The following AGFG2 variants were observed in gnomAD, a reference collection of about 807,000 sequenced individuals.
The protein encoded by AGFG2 is ArfGAP with FG repeats 2.
A neutral mutation model predicts 48.0 loss-of-function variants in AGFG2; 31 were observed. The observed-to-expected ratio is 0.65, with a 90% confidence interval of 0.49 to 0.87. The LOEUF (loss-of-function observed/expected upper bound fraction) is 0.87. AGFG2 is among the 40% of genes least tolerant of loss of function. AGFG2 has a pLI of 0.00. For synonymous variants in AGFG2, 229 were observed against 260.8 expected (o/e 0.88, Z 1.18); for missense variants, 599 against 632.6 (o/e 0.95, Z 0.57).
chr7:100,542,079 G>A (rs961684431), intron 1 of AGFG2, among the ~76,000 whole-genome samples: 8 of 151,946 alleles, frequency 5.3e-5, no homozygotes, highest in African/African-American at 1.2e-4. Flanking sequence ...GCAATGGCGC[G>A]ATCTCGGCTC....
In AGFG2 at chr7:100,562,825, C is replaced by T. The variant is rs1019306102; in HGVS notation, c.1088-38C>T. 2 of 1,608,014 alleles carry T rather than the reference C, an allele frequency of 1.2e-6. No homozygotes were observed. Among genetic ancestry groups the T allele is most frequent in the Non-Finnish European group, 1.7e-6 (2 of 1,174,648 alleles). ...AGCACGTGAGAAAAAAAGTAACCAT[C>T]TCTCTCTTTCCTGCCGCTCCCCATT... On this transcript the variant is annotated intron_variant, in intron 8 of 11. Coordinates refer to ENST00000300176, the MANE Select transcript of AGFG2 (RefSeq NM_006076.5). This position sits in a 1 kb window ranked among gnomAD's most constrained non-coding sequence, Gnocchi z 5.4.
intron 9 of AGFG2, 62 bp downstream of exon 9, chr7:100,563,008 T>C: frequency 6.8e-7 from 1 of 1,461,064 alleles, no homozygotes; most frequent in Non-Finnish European, 9.5e-7. Context: ...CACATTACCC[T>C]GCAGCCTCTC....
At chr7:100,558,139 G>A (rs140544971) in intron 6 of AGFG2, among the ~76,000 whole-genome samples, 24 of 152,262 alleles carry the variant, frequency 1.6e-4, no homozygotes, top group African/African-American at 4.6e-4. Context: ...ACTTGAACCC[G>A]GGAGGCGGAG....
At chr7:100,549,675 G>GTTTATTTATTTA (rs762684092) in intron 2 of AGFG2, among the ~76,000 whole-genome samples, 2 of 151,490 alleles carry the variant, frequency 1.3e-5, no homozygotes, top group African/African-American at 2.4e-5. Context: ...CTCAATATTT[G>GTTTATTTATTTA]TTTATTTATT....
rs367600937 is a variant in AGFG2 at position 100,546,737 on chromosome 7, G to A, written c.222-2085G>A. On this transcript the variant is annotated intron_variant, in intron 1 of 11. Coordinates refer to ENST00000300176, the MANE Select transcript of AGFG2 (RefSeq NM_006076.5). Reference sequence around the variant, plus strand: ...TGACATTCTGAAGGGGAAGGGCCTAGTGGTTAAGGTGAGAAAGTCTAAAAG... The same window carrying A: ...TGACATTCTGAAGGGGAAGGGCCTAATGGTTAAGGTGAGAAAGTCTAAAAG... 2.8e-4 allele frequency among the ~76,000 whole-genome samples: 43 copies of A among 152,300 alleles called. No homozygotes were observed. The South Asian group carries it at 8.9e-3, about 32-fold the overall frequency.
At chr7:100,558,724 G>A (rs935216760) in intron 6 of AGFG2, among the ~76,000 whole-genome samples, 1 of 151,798 alleles carries the variant, frequency 6.6e-6, no homozygotes, top group Non-Finnish European at 1.5e-5. Flanking sequence ...TGTATTTTTA[G>A]TAGAGACAGG....
chr7:100,551,056 A>C lies in AGFG2; in HGVS notation c.431+545A>C. On this transcript the variant is annotated intron_variant, in intron 3 of 11. Transcript: ENST00000300176. ...TATATATATATATATATATATATAT[A>C]TATATATATATTTCTTTTTTTTTTT... Among the ~76,000 whole-genome samples, 2 of 79,774 alleles carry C rather than the reference A, an allele frequency of 2.5e-5. 1 individual carries two copies. Among genetic ancestry groups the C allele is most frequent in the Non-Finnish European group, 5.6e-5 (2 of 35,706 alleles). The allele number at this position is 79,774 out of a possible 152,430, so 52.3% of individuals were successfully genotyped here. A position where few individuals can be genotyped will look rare whatever the true frequency, so the allele number is the denominator to read the frequency against.
chr7:100,554,343 C>G (rs887315348), intron 5 of AGFG2, 85 bp downstream of exon 5: 9 of 1,465,392 alleles, frequency 6.1e-6, no homozygotes, highest in Non-Finnish European at 5.5e-6. Context: ...AACCATGGCT[C>G]TAGATCTTCT....
At chr7:100,558,042 T>C (rs7805124) in intron 6 of AGFG2, among the ~76,000 whole-genome samples, 1 of 151,976 alleles carries the variant, frequency 6.6e-6, no homozygotes, top group Admixed American at 6.6e-5. Flanking sequence ...GGTGAAACCC[T>C]GTCTCTGCTA....
intron 9 of AGFG2, 129 bp from the exon 10 acceptor site, chr7:100,563,705 T>C: frequency 7.3e-7 from 1 of 1,363,594 alleles, no homozygotes; most frequent in Admixed American, 2.1e-5. Context: ...GTTCCATGGC[T>C]GGGTCCCTCG....
chr7:100,562,152 C>T lies in AGFG2; in HGVS notation c.878-107C>T. On this transcript the variant is annotated intron_variant, in intron 6 of 11. Coordinates refer to ENST00000300176, the MANE Select transcript of AGFG2 (RefSeq NM_006076.5). This position sits in a 1 kb window ranked among gnomAD's most constrained non-coding sequence, Gnocchi z 5.4. ...CTCAGAGAACCCAGCAGGCACCTGT[C>T]ATGCCATGACTCCAATCCATCACCA... 1.4e-6 allele frequency: 2 copies of T among 1,460,136 alleles called. No individual in the cohort carries two copies. Among genetic ancestry groups the T allele is most frequent in the South Asian group, 1.3e-5 (1 of 78,390 alleles). 90.4% of individuals were successfully genotyped at this position (1,460,136 alleles called of 1,614,324 possible). A position where few individuals can be genotyped will look rare whatever the true frequency, so the allele number is the denominator to read the frequency against.
rs1800987552 is a variant in AGFG2 at position 100,565,522 on chromosome 7, GC to G, written c.*532del. 1 of 154,216 alleles carries G rather than the reference GC, an allele frequency of 6.5e-6. No individual in the cohort carries two copies. Among genetic ancestry groups the G allele is most frequent in the Admixed American group, 6.5e-5 (1 of 15,388 alleles). 9.6% of individuals were successfully genotyped at this position (154,216 alleles called of 1,614,324 possible). On this transcript the variant is annotated 3_prime_UTR_variant, in exon 12 of 12. Transcript: ENST00000300176. ...GGTCCCCCATTGTTTTGCTTCCCCA[GC>G]GCCCAGGATGAGCGGTTTACCATCG...
chr7:100,555,708 T>G lies in AGFG2; in HGVS notation c.850T>G (p.Ser284Ala). 6.2e-7 allele frequency: 1 copy of G among 1,614,148 alleles called. No individual in the cohort carries two copies. Among genetic ancestry groups the G allele is most frequent in the Non-Finnish European group, 8.5e-7 (1 of 1,179,976 alleles). ...AAGCCTCCCTCCAGCTGGTCAAGCC[T>G]CGTTCCAGGCCCAGCCAACTCCTGC... ...FGSLPPAGQA[S>A]FQAQPTPAGS... The change falls in exon 6 of 12, where the codon TCG becomes GCG. Residue 284 changes from serine (S) to alanine (A), a missense_variant. Transcript: ENST00000300176.
Position 100,539,312 on chromosome 7 carries a change from G to T in AGFG2, c.-35G>T, listed in dbSNP as rs1283305655. On this transcript the variant is annotated 5_prime_UTR_variant, in exon 1 of 12. Transcript: ENST00000300176. ...CGGGAAGGCGGCAGTGGTTGAAGGG[G>T]TGATTGCTGACTAGCGGGGAGGGAG... is the stretch of plus-strand genomic sequence containing the variant. 10 of 1,278,874 alleles carry T rather than the reference G, an allele frequency of 7.8e-6. No homozygotes were observed. The highest frequency in any genetic ancestry group is 4.0e-6 in the Non-Finnish European group (4 of 1,009,680). 79.2% of individuals were successfully genotyped at this position (1,278,874 alleles called of 1,614,324 possible). A position where few individuals can be genotyped will look rare whatever the true frequency, so the allele number is the denominator to read the frequency against.
chr7:100,553,159 CA>C (rs2131112771), intron 3 of AGFG2, among the ~76,000 whole-genome samples, 187 bp from the exon 4 acceptor site: 1 of 152,212 alleles, frequency 6.6e-6, no homozygotes, highest in African/African-American at 2.4e-5. Context: ...TCAAAAAAAC[CA>C]AAAGATGTTC....
In AGFG2 at chr7:100,564,224, C is replaced by T; in HGVS notation, c.1307C>T (p.Ser436Phe). The T allele has an allele frequency of 6.2e-7, 1 of 1,611,858 alleles. No homozygotes were observed. Among genetic ancestry groups the T allele is most frequent in the Non-Finnish European group, 8.5e-7 (1 of 1,179,026 alleles). Reference sequence around the variant, plus strand: ...GACTGCTCTCGCCCCCTAGGCTCTTCCTTCGGGGACTTAGGATCAGCCAAG... The same window carrying T: ...GACTGCTCTCGCCCCCTAGGCTCTTTCTTCGGGGACTTAGGATCAGCCAAG... ...TPLVQQQNGS[S>F]FGDLGSAKLG... Residue 436 changes from serine (S) to phenylalanine (F), a missense_variant, in exon 11 of 12, where the codon TCC (serine) becomes TTC (phenylalanine). Coordinates refer to ENST00000300176, the MANE Select transcript of AGFG2 (RefSeq NM_006076.5).
chr7:100,563,086 C>A, intron 9 of AGFG2, 140 bp downstream of exon 9: 1 of 857,374 alleles, frequency 1.2e-6, no homozygotes, highest in Non-Finnish European at 1.8e-6. Flanking sequence ...CCACACGGTG[C>A]CAGGCCACCT....
At chr7:100,564,145 G>C in intron 10 of AGFG2, 73 bp from the exon 11 acceptor site, 3 of 1,555,726 alleles carry the variant, frequency 1.9e-6, no homozygotes, top group Non-Finnish European at 2.6e-6. Context: ...CCCCAGTTTA[G>C]GAGGGCCCCC....
chr7:100,551,060 ATATATATTTCT>A (rs1562791865), intron 3 of AGFG2, among the ~76,000 whole-genome samples: 1 of 76,874 alleles, frequency 1.3e-5, no homozygotes, highest in Non-Finnish European at 2.7e-5. Flanking sequence ...ATATATATAT[ATATATATTTCT>A]TTTTTTTTTT....
Sources: gnomAD v4.1 joint callset for allele counts (sites outside exome capture counted in the v4.1 genomes callset) on GRCh38, gnomAD v4.1.1 for gene constraint, Gnocchi (gnomAD v3.1) non-coding constraint, MANE v1.5 for transcripts, NCBI Gene and HGNC (gene_info 2026-07-23, HGNC 2026-07-21) for gene names.